The following TAF12 variants were observed in gnomAD, a reference collection of about 807,000 sequenced individuals.
The protein encoded by TAF12 is TATA-box binding protein associated factor 12.
TAF12 carries 3 observed loss-of-function variants against 20.8 expected under a neutral mutation model. The observed-to-expected ratio is 0.14, with a 90% CI of 0.07 to 0.37. TAF12 has a LOEUF of 0.37. Ranked by LOEUF, TAF12 falls within the 10% of genes least tolerant of loss-of-function variation. TAF12 has a pLI of 1.00. For missense variants in TAF12, 131 were observed against 197.9 expected, an observed-to-expected ratio of 0.66 and a Z score of 2.03; for synonymous variants, 69 against 70.2, an observed-to-expected ratio of 0.98 and a Z score of 0.09.
intron 1 of TAF12, among the ~76,000 whole-genome samples, chr1:28,629,114 G>A (rs1034071296): frequency 6.6e-6 from 1 of 152,086 alleles, no homozygotes; most frequent in Non-Finnish European, 1.5e-5. Flanking sequence ...ACATACAGTT[G>A]TAAATTCATA....
intron 4 of TAF12, among the ~76,000 whole-genome samples, chr1:28,609,099 T>C (rs1207425134): frequency 6.6e-6 from 1 of 152,130 alleles, no homozygotes. Context: ...TTTTTGAGAC[T>C]GAGTTTTGCT....
chr1:28,634,415 CA>C lies in TAF12; in HGVS notation c.-85+8576del, dbSNP rs1159192480. ...TGGGCGACAGAGCGAGACTCCATCT[CA>C]AAAAAAAAAAAAAAAAAAAACCCCA... On this transcript the variant is annotated intron_variant, in intron 1 of 5. Coordinates refer to ENST00000373824, the MANE Select transcript of TAF12 (RefSeq NM_005644.4). 7.5e-3 allele frequency among the ~76,000 whole-genome samples: 310 copies of C among 41,550 alleles called. 1 individual carries two copies. The highest frequency in any genetic ancestry group is 0.044 in the East Asian group (66 of 1,502). 27.3% of individuals were successfully genotyped at this position (41,550 alleles called of 152,430 possible).
chr1:28,636,880 A>T (rs1267131326), intron 1 of TAF12, among the ~76,000 whole-genome samples: 1 of 152,064 alleles, frequency 6.6e-6, no homozygotes, highest in East Asian at 1.9e-4. Context: ...GTCTGAGGTG[A>T]CGGAATGGCT....
upstream of TAF12, among the ~76,000 whole-genome samples, chr1:28,644,229 G>A (rs1668129512): frequency 6.6e-6 from 1 of 152,112 alleles, no homozygotes; most frequent in Non-Finnish European, 1.5e-5. Context: ...TAGAAATTAG[G>A]AAGAGGTGCC....
At chr1:28,631,045 C>CAAA (rs903921514) in intron 1 of TAF12, among the ~76,000 whole-genome samples, 10 of 52,880 alleles carry the variant, frequency 1.9e-4, no homozygotes, top group African/African-American at 3.7e-4. Flanking sequence ...ACTCCGTCTC[C>CAAA]AAAAAAAAAA....
rs577400827 is a variant in TAF12, at chr1:28,620,555, C to T, written c.168+1359G>A. Among the ~76,000 whole-genome samples, 499 of 152,278 alleles carry T rather than the reference C, an allele frequency of 3.3e-3. 2 individuals carry two copies. Among genetic ancestry groups the T allele is most frequent in the African/African-American group, 0.011 (477 of 41,560 alleles). On this transcript the variant is annotated intron_variant, in intron 2 of 5. Coordinates refer to ENST00000373824, the MANE Select transcript of TAF12 (RefSeq NM_005644.4). Reference sequence around the variant, plus strand: ...GGTTCACGCCATTCTCCTGCCTCAGCCTCCCGAGTAGCTGGGACTACAGGC... The same window carrying T: ...GGTTCACGCCATTCTCCTGCCTCAGTCTCCCGAGTAGCTGGGACTACAGGC...
upstream of TAF12, among the ~76,000 whole-genome samples, chr1:28,645,027 T>C (rs190108486): frequency 4.4e-3 from 670 of 152,024 alleles, 8 homozygotes; most frequent in South Asian, 0.026. Flanking sequence ...GCTTCCCAAG[T>C]AGATGAATTT....
At position 28,603,581 on chromosome 1, in the gene TAF12, GGA is replaced by G. The variant is rs765107883; in HGVS notation, c.451-9_451-8del. ...TCCGGATCAATGCCATTCTCTGAAA[GGA>G]GAGACAAATAAGCAGTTATACAGCA... On this transcript the variant is annotated splice_polypyrimidine_tract_variant and splice_region_variant and intron_variant, in intron 5 of 5. Transcript: ENST00000373824. 8 of 1,613,724 alleles carry G rather than the reference GGA, an allele frequency of 5.0e-6. No individual in the cohort carries two copies. Among genetic ancestry groups the G allele is most frequent in the Middle Eastern group, 1.6e-4 (1 of 6,062 alleles).
chr1:28,631,045 C>CAAAA (rs903921514), intron 1 of TAF12, among the ~76,000 whole-genome samples: 4 of 52,928 alleles, frequency 7.6e-5, no homozygotes, highest in Admixed American at 1.9e-4. Context: ...ACTCCGTCTC[C>CAAAA]AAAAAAAAAA....
At chr1:28,628,471 G>A (rs1303918747) in intron 1 of TAF12, among the ~76,000 whole-genome samples, 2 of 152,014 alleles carry the variant, frequency 1.3e-5, no homozygotes. Flanking sequence ...TAGATTAGTT[G>A]TTGCCTATGG....
chr1:28,611,275 G>A (rs963496123), intron 4 of TAF12, among the ~76,000 whole-genome samples: 5 of 151,862 alleles, frequency 3.3e-5, no homozygotes, highest in Admixed American at 6.6e-5. Flanking sequence ...GGGTTGGGAG[G>A]GACGGAGGGA....
chr1:28,622,218 G>T, intron 1 of TAF12, 53 bp from the exon 2 acceptor site: 1 of 1,411,530 alleles, frequency 7.1e-7, no homozygotes, highest in Admixed American at 3.3e-5. Context: ...AATAAAGGAT[G>T]AATCTTGAGA....
At chr1:28,612,923 A>G (rs1304618275) in intron 4 of TAF12, among the ~76,000 whole-genome samples, 2 of 152,204 alleles carry the variant, frequency 1.3e-5, no homozygotes, top group Non-Finnish European at 2.9e-5. Context: ...GACATGGTCT[A>G]TAATTCTCAC....
intron 4 of TAF12, 79 bp downstream of exon 4, chr1:28,613,168 G>C: frequency 8.2e-7 from 1 of 1,214,096 alleles, no homozygotes; most frequent in Admixed American, 2.7e-5. Flanking sequence ...TGGCATGAAG[G>C]TTCCTCTGAC....
At position 28,610,942 on chromosome 1, in the gene TAF12, A is replaced by G. The variant is rs986054199; in HGVS notation, c.361+2305T>C. Among the ~76,000 whole-genome samples the G allele has an allele frequency of 4.8e-5, 7 of 144,558 alleles. No homozygotes were observed. In the Admixed American group the frequency reaches 5.0e-4, roughly 10 times the overall value. 94.8% of individuals were successfully genotyped at this position (144,558 alleles called of 152,430 possible). A position where few individuals can be genotyped will look rare whatever the true frequency, so the allele number is the denominator to read the frequency against. ...GCCACTGCACTCCAGCCTGGGCAACAGAGTGAGACTGTCTCAAAAAAAAAA... is the reference window on the plus strand; with the variant it reads ...GCCACTGCACTCCAGCCTGGGCAACGGAGTGAGACTGTCTCAAAAAAAAAA... On this transcript the variant is annotated intron_variant, in intron 4 of 5. Transcript: ENST00000373824.
At chr1:28,629,522 G>C (rs550453146) in intron 1 of TAF12, among the ~76,000 whole-genome samples, 1 of 152,220 alleles carries the variant, frequency 6.6e-6, no homozygotes, top group African/African-American at 2.4e-5. Context: ...TATTAGTAGA[G>C]ATGGAGTTTT....
At chr1:28,634,306 T>C (rs1359139713) in intron 1 of TAF12, among the ~76,000 whole-genome samples, 2 of 150,860 alleles carry the variant, frequency 1.3e-5, no homozygotes, top group African/African-American at 2.4e-5. Flanking sequence ...ATCTCAGCTA[T>C]TTAGGAGGCT....
At chr1:28,625,814 T>G (rs1281747225) in intron 1 of TAF12, among the ~76,000 whole-genome samples, 1 of 151,916 alleles carries the variant, frequency 6.6e-6, no homozygotes, top group Non-Finnish European at 1.5e-5. Context: ...GTGCTGAGAT[T>G]ACAGGCGTGA....
chr1:28,639,965 C>G (rs1184711589), intron 1 of TAF12, among the ~76,000 whole-genome samples: 1 of 152,160 alleles, frequency 6.6e-6, no homozygotes, highest in Non-Finnish European at 1.5e-5. Flanking sequence ...ACCTCAGCCT[C>G]CAGAGTAGCT....
Sources: allele counts gnomAD v4.1 joint callset (sites outside exome capture counted in the v4.1 genomes callset), GRCh38; gene constraint gnomAD v4.1.1; transcripts MANE v1.5; gene names NCBI Gene and HGNC (gene_info 2026-07-23, HGNC 2026-07-21).